Variants in FBXO36 observed in about 807,000 individuals in gnomAD.
The protein encoded by FBXO36 is F-box protein 36, also known as F-box only protein 36.
In FBXO36, 18 loss-of-function variants were observed where a neutral mutation model predicts 17.0. That is an observed-to-expected ratio of 1.06 (90% CI 0.73 to 1.57). The LOEUF (loss-of-function observed/expected upper bound fraction) is 1.57, where lower values mean the gene tolerates loss of function less well. FBXO36 is among the 40% of genes most tolerant of loss of function. The pLI, the probability that FBXO36 is intolerant of heterozygous loss-of-function variation, is 0.00. For missense variants in FBXO36, 229 were observed against 221.9 expected (o/e 1.03, Z -0.20); for synonymous variants, 83 against 85.3 (o/e 0.97, Z 0.15).
At chr2:229,949,538 T>C (rs200227261) in intron 1 of FBXO36, among the ~76,000 whole-genome samples, 2 of 149,426 alleles carry the variant, frequency 1.3e-5, no homozygotes, top group South Asian at 2.1e-4. Context: ...GTAAAATGTA[T>C]ACACACACAC....
rs61753284 is a variant in FBXO36, at chr2:229,976,295, C to T, written c.151C>T (p.Pro51Ser). The T allele has an allele frequency of 5.9e-3, 9,462 of 1,613,518 alleles. 43 individuals carry two copies. Among genetic ancestry groups the T allele is most frequent in the Middle Eastern group, 0.025 (152 of 6,060 alleles). The change falls in exon 2 of 4, where the codon CCT becomes TCT. Residue 51 changes from proline to serine, a missense_variant. Physicochemically the swap from Pro to Ser is moderately conservative, Grantham distance 74. Transcript: ENST00000283946. ...SLRSEYRSTK[P>S]GEAKETHEDF... is the part of the protein sequence containing the mutation. Reference sequence around the variant, plus strand: ...AAGGAGTGAGTATCGATCAACAAAACCTGGAGAAGCAAAAGAAACCCATGA... The same window carrying T: ...AAGGAGTGAGTATCGATCAACAAAATCTGGAGAAGCAAAAGAAACCCATGA...
intron 1 of FBXO36, among the ~76,000 whole-genome samples, chr2:229,928,973 A>AT (rs11440617): frequency 0.92 from 133,421 of 144,898 alleles, 62,371 homozygotes; most frequent in South Asian, 1. Flanking sequence ...TTTTCTTTTC[A>AT]TTTTTTTTTT....
chr2:229,962,098 A>T (rs1473312982), intron 1 of FBXO36, among the ~76,000 whole-genome samples: 2 of 151,670 alleles, frequency 1.3e-5, no homozygotes. Context: ...CATGAGAATC[A>T]CTTGAACCTG....
intron 2 of FBXO36, among the ~76,000 whole-genome samples, chr2:229,981,999 C>G (rs1370033916): frequency 6.6e-6 from 1 of 151,600 alleles, no homozygotes; most frequent in Admixed American, 6.6e-5. Context: ...GGTGAGGTGC[C>G]ACACACTTGA....
chr2:229,981,832 T>A (rs192095849), intron 2 of FBXO36, among the ~76,000 whole-genome samples: 100 of 152,218 alleles, frequency 6.6e-4, no homozygotes, highest in African/African-American at 2.2e-3. Context: ...GGATAATTTA[T>A]AAAGAAAGGA....
At chr2:229,998,950 C>T (rs1228973735) in intron 3 of FBXO36, among the ~76,000 whole-genome samples, 1 of 151,114 alleles carries the variant, frequency 6.6e-6, no homozygotes, top group African/African-American at 2.4e-5. Context: ...CTACAGGTGC[C>T]CGCCACCACA....
chr2:229,961,590 G>A (rs1013497606), intron 1 of FBXO36, among the ~76,000 whole-genome samples: 6 of 152,052 alleles, frequency 3.9e-5, no homozygotes, highest in African/African-American at 1.4e-4. Context: ...CGGCCACGAT[G>A]GTCTCGATCT....
At chr2:229,939,956 G>A (rs1303202072) in intron 1 of FBXO36, among the ~76,000 whole-genome samples, 5 of 152,082 alleles carry the variant, frequency 3.3e-5, no homozygotes, top group South Asian at 2.1e-4. Flanking sequence ...GGTGGCGCAG[G>A]CCCGTAGTCC....
At chr2:229,948,518 GAA>G (rs59155537) in intron 1 of FBXO36, among the ~76,000 whole-genome samples, 1,700 of 129,256 alleles carry the variant, frequency 0.013, 25 homozygotes, top group African/African-American at 0.031. Context: ...GGGCTTTAGA[GAA>G]AAAAAAAAAA....
At chr2:229,922,640 C>G (rs776210339) in intron 1 of FBXO36, 31 bp downstream of exon 1, 2 of 1,608,800 alleles carry the variant, frequency 1.2e-6, no homozygotes, top group Non-Finnish European at 8.5e-7. Context: ...ACCCTCTCTC[C>G]TAACTCCCTA....
At chr2:229,928,022 G>A (rs745549302) in intron 1 of FBXO36, among the ~76,000 whole-genome samples, 2 of 152,174 alleles carry the variant, frequency 1.3e-5, no homozygotes, top group Non-Finnish European at 2.9e-5. Flanking sequence ...TAATAAAAAT[G>A]TTAATGCACA....
At position 230,010,756 on chromosome 2, in the gene FBXO36, C is replaced by A; in HGVS notation, c.439C>A (p.Pro147Thr). The change falls in exon 4 of 4, where the codon CCT (proline) becomes ACT (threonine). Residue 147 changes from proline (P) to threonine (T), a missense_variant. By Grantham distance (38) the Pro-to-Thr change is conservative. Transcript: ENST00000283946. ...CCAGTCGACCTGCGACACCATCACT[C>A]CTGACGTGAGGGCCCTGGCGGAGGA... ...IVQSTCDTIT[P>T]DVRALAEDTG... 1.2e-6 allele frequency: 2 copies of A among 1,613,962 alleles called. No homozygotes were observed. Among genetic ancestry groups the A allele is most frequent in the South Asian group, 2.2e-5 (2 of 91,070 alleles).
intron 1 of FBXO36, among the ~76,000 whole-genome samples, chr2:229,966,850 A>G (rs935775589): frequency 1.3e-5 from 2 of 152,170 alleles, no homozygotes; most frequent in African/African-American, 4.8e-5. Flanking sequence ...CTTAGGAATG[A>G]CTTGGCAATG....
chr2:229,948,273 C>G (rs1016197363), intron 1 of FBXO36, among the ~76,000 whole-genome samples: 4 of 152,078 alleles, frequency 2.6e-5, no homozygotes, highest in Non-Finnish European at 4.4e-5. Flanking sequence ...CTAATCTACA[C>G]AAGTTATTTG....
At chr2:229,946,643 C>T (rs2077028628) in intron 1 of FBXO36, among the ~76,000 whole-genome samples, 2 of 152,270 alleles carry the variant, frequency 1.3e-5, no homozygotes, top group Middle Eastern at 3.4e-3. Context: ...TTCTTAGCAT[C>T]TCTTAAAGAC....
intron 1 of FBXO36, among the ~76,000 whole-genome samples, chr2:229,974,062 G>A (rs1291485251): frequency 1.3e-5 from 2 of 152,080 alleles, no homozygotes; most frequent in Non-Finnish European, 2.9e-5. Flanking sequence ...AAACAAAAAG[G>A]AAGAAGAAAA....
intron 2 of FBXO36, among the ~76,000 whole-genome samples, chr2:229,994,770 C>T (rs1467792898): frequency 1.3e-5 from 2 of 152,148 alleles, no homozygotes; most frequent in African/African-American, 4.8e-5. Context: ...TTTGGGGCCC[C>T]TGTGATCTAT....
chr2:230,001,111 A>G (rs2077356226), intron 3 of FBXO36, among the ~76,000 whole-genome samples: 1 of 151,900 alleles, frequency 6.6e-6, no homozygotes, highest in Admixed American at 6.6e-5. Context: ...CACCTACCTC[A>G]GCCTCCCAAA....
chr2:229,959,573 C>T lies in FBXO36; in HGVS notation c.97-16668C>T, dbSNP rs192582570. Among the ~76,000 whole-genome samples the T allele has an allele frequency of 2.3e-4, 35 of 151,980 alleles. No individual in the cohort carries two copies. In the East Asian group the frequency reaches 6.4e-3, roughly 28 times the overall value. On this transcript the variant is annotated intron_variant, in intron 1 of 3. Coordinates refer to ENST00000283946, the MANE Select transcript of FBXO36 (RefSeq NM_174899.5). Reference sequence around the variant, plus strand: ...GAATATTGCCAAAGTAGGCTGGGCGCGGTGGCTCATGCCTGGAATCCGAGC... The same window carrying T: ...GAATATTGCCAAAGTAGGCTGGGCGTGGTGGCTCATGCCTGGAATCCGAGC...
Sources: gnomAD v4.1 joint callset for allele counts (sites outside exome capture counted in the v4.1 genomes callset) on GRCh38, gnomAD v4.1.1 for gene constraint, MANE v1.5 for transcripts, NCBI Gene and HGNC (gene_info 2026-07-23, HGNC 2026-07-21) for gene names.